Variants in HHAT observed in about 807,000 individuals in gnomAD.
The protein encoded by HHAT is hedgehog acyltransferase.
A neutral mutation model predicts 70.8 loss-of-function variants in HHAT; 47 were observed. That is an observed-to-expected ratio of 0.66 (90% confidence interval 0.53 to 0.85). The LOEUF (loss-of-function observed/expected upper bound fraction) is 0.85. HHAT is among the 40% of genes least tolerant of loss of function. HHAT has a pLI of 0.00. For synonymous variants in HHAT, 228 were observed against 247.6 expected (o/e 0.92, Z 0.74); for missense variants, 609 against 604.8 (o/e 1.01, Z -0.07).
intron 11 of HHAT, among the ~76,000 whole-genome samples, chr1:210,664,129 A>C (rs931287548): frequency 6.6e-6 from 1 of 152,234 alleles, no homozygotes; most frequent in Non-Finnish European, 1.5e-5. Flanking sequence ...AGCCTGAGGC[A>C]GCTTTGCTGT....
At chr1:210,496,493 C>T (rs6692361) in intron 8 of HHAT, among the ~76,000 whole-genome samples, 11,958 of 152,172 alleles carry the variant, frequency 0.079, 1,264 homozygotes, top group East Asian at 0.35. Flanking sequence ...ATGAGAGGGA[C>T]TTTACAAGAG....
intron 2 of HHAT, among the ~76,000 whole-genome samples, chr1:210,353,434 GT>G (rs10541502): frequency 0.26 from 29,743 of 114,222 alleles, 3,752 homozygotes; most frequent in African/African-American, 0.42. Context: ...GAAGTCACCT[GT>G]TTTTTTTTTT....
chr1:210,484,846 A>G (rs989385906), intron 8 of HHAT, among the ~76,000 whole-genome samples: 4 of 152,228 alleles, frequency 2.6e-5, no homozygotes, highest in Admixed American at 2.6e-4. Flanking sequence ...TGGGAGCCCC[A>G]TCAACCTGCT....
intron 3 of HHAT, among the ~76,000 whole-genome samples, chr1:210,373,820 G>A (rs1205570180): frequency 6.6e-6 from 1 of 152,110 alleles, no homozygotes; most frequent in Non-Finnish European, 1.5e-5. Context: ...ATGGATTTGG[G>A]GCTTTTTTGC....
intron 9 of HHAT, among the ~76,000 whole-genome samples, chr1:210,584,119 T>A (rs866281785): frequency 6.6e-6 from 1 of 151,804 alleles, no homozygotes; most frequent in Non-Finnish European, 1.5e-5. Flanking sequence ...ATTTTTGTAT[T>A]TTTAGTAGAG....
rs1342457817 is a variant in HHAT, at chr1:210,651,875, G to A, written c.1391-22413G>A. 2.0e-5 allele frequency among the ~76,000 whole-genome samples: 3 copies of A among 152,214 alleles called. No homozygotes were observed. The South Asian group carries it at 6.2e-4, about 32-fold the overall frequency. On this transcript the variant is annotated intron_variant, in intron 11 of 11. Coordinates refer to ENST00000261458, the MANE Select transcript of HHAT (RefSeq NM_018194.6). ...TAGGCCAGGGCTTGGTTGTCAGTAA[G>A]GGCAACCCAGGAAAGGGGCTAATGG...
intron 8 of HHAT, among the ~76,000 whole-genome samples, chr1:210,477,070 T>A (rs2094316336): frequency 6.6e-6 from 1 of 150,486 alleles, no homozygotes; most frequent in African/African-American, 2.5e-5. Context: ...TAAATGGGAG[T>A]TTTTACTGAC....
intron 4 of HHAT, among the ~76,000 whole-genome samples, chr1:210,391,427 TTAAC>T (rs780377892): frequency 4.6e-5 from 7 of 152,238 alleles, no homozygotes; most frequent in African/African-American, 7.2e-5. Flanking sequence ...ACTGATAAAT[TTAAC>T]TACGCTAAAA....
At chr1:210,527,047 GAC>G (rs751734721) in intron 9 of HHAT, among the ~76,000 whole-genome samples, 1 of 152,122 alleles carries the variant, frequency 6.6e-6, no homozygotes, top group African/African-American at 2.4e-5. Context: ...GTTCTAATGA[GAC>G]AACTCTTGGT....
intron 9 of HHAT, among the ~76,000 whole-genome samples, chr1:210,525,466 T>A (rs2148618048): frequency 6.6e-6 from 1 of 152,314 alleles, no homozygotes; most frequent in South Asian, 2.1e-4. Flanking sequence ...GGAAGGGCCT[T>A]GACGATTATG....
chr1:210,411,189 C>T (rs1289452518), intron 6 of HHAT, among the ~76,000 whole-genome samples: 1 of 152,128 alleles, frequency 6.6e-6, no homozygotes, highest in Admixed American at 6.5e-5. Context: ...GCTGTTGGTT[C>T]TGGCCTCCTC....
intron 7 of HHAT, among the ~76,000 whole-genome samples, chr1:210,432,026 T>C (rs2093260269): frequency 6.6e-6 from 1 of 151,930 alleles, no homozygotes; most frequent in Non-Finnish European, 1.5e-5. Context: ...CTATATCTGT[T>C]TTCCTGATAT....
intron 9 of HHAT, among the ~76,000 whole-genome samples, chr1:210,548,776 G>A (rs1432906533): frequency 6.6e-6 from 1 of 152,250 alleles, no homozygotes; most frequent in Non-Finnish European, 1.5e-5. Context: ...TAAGAAGGTA[G>A]ATCACGGCCC....
At chr1:210,588,669 G>C (rs1661027509) in intron 10 of HHAT, 1 of 152,336 alleles carries the variant, frequency 6.6e-6, no homozygotes, top group Non-Finnish European at 1.5e-5. Flanking sequence ...ATTCTCGTAA[G>C]TGAAATTTCC....
chr1:210,422,469 T>C (rs1379317673), intron 7 of HHAT, among the ~76,000 whole-genome samples: 1 of 152,202 alleles, frequency 6.6e-6, no homozygotes, highest in Admixed American at 6.5e-5. Context: ...TGTATGAACA[T>C]TTATTAGCTT....
intron 11 of HHAT, among the ~76,000 whole-genome samples, chr1:210,643,964 A>G (rs1392196310): frequency 2.1e-5 from 3 of 145,312 alleles, no homozygotes; most frequent in Non-Finnish European, 3.1e-5. Flanking sequence ...AGCTTAAAAG[A>G]TGGATATTCT....
chr1:210,330,240 G>T (rs1298105525), intron 1 of HHAT, among the ~76,000 whole-genome samples: 2 of 152,034 alleles, frequency 1.3e-5, no homozygotes, highest in Non-Finnish European at 2.9e-5. Flanking sequence ...CTCGTTGCCA[G>T]TCAGTCCCTA....
At chr1:210,386,268 T>A in intron 3 of HHAT, among the ~76,000 whole-genome samples, 1 of 122,366 alleles carries the variant, frequency 8.2e-6, no homozygotes, top group Non-Finnish European at 1.6e-5. Context: ...AGACAGAGTC[T>A]CGCTCTGTCG....
intron 9 of HHAT, among the ~76,000 whole-genome samples, chr1:210,561,083 G>A (rs2095619115): frequency 1.3e-5 from 2 of 152,084 alleles, no homozygotes; most frequent in Non-Finnish European, 2.9e-5. Flanking sequence ...AGAATCCTTT[G>A]CCCCGTTCCA....
Sources: gnomAD v4.1 joint callset for allele counts (sites outside exome capture counted in the v4.1 genomes callset) on GRCh38, gnomAD v4.1.1 for gene constraint, MANE v1.5 for transcripts, NCBI Gene and HGNC (gene_info 2026-07-23, HGNC 2026-07-21) for gene names.